Variants in PTPRO observed in about 807,000 individuals in gnomAD.
PTPRO encodes the protein protein tyrosine phosphatase receptor type O, also known as receptor-type tyrosine-protein phosphatase O.
A neutral mutation model predicts 145.2 loss-of-function variants in PTPRO; 62 were observed. The ratio of observed to expected loss-of-function variants is 0.43; its 90% CI spans 0.35 to 0.53. The LOEUF (loss-of-function observed/expected upper bound fraction) is 0.53, where lower values mean the gene tolerates loss of function less well. PTPRO is among the 20% of genes least tolerant of loss of function. The probability of loss-of-function intolerance (pLI) is 0.01; values close to 1 mark genes in which losing one functional copy is unlikely to be tolerated. For missense variants in PTPRO, 1,345 were observed against 1,482.7 expected (o/e 0.91, Z 1.53); for synonymous variants, 565 against 514.7 (o/e 1.10, Z -1.32).
At chr12:15,576,948 A>G (rs1480323727) in intron 19 of PTPRO, among the ~76,000 whole-genome samples, 2 of 152,224 alleles carry the variant, frequency 1.3e-5, no homozygotes, top group Admixed American at 1.3e-4. Flanking sequence ...AAATAAACTT[A>G]TAACTACCAA....
chr12:15,484,086 A>C lies in PTPRO; in HGVS notation c.188A>C (p.Glu63Ala). The change falls in exon 2 of 27, where the codon GAA (glutamate) becomes GCA (alanine). Residue 63 changes from glutamate to alanine, a missense_variant. This residue lies in a region of PTPRO where 1,130 missense variants were observed against 1,214.7 expected (regional missense o/e 0.93). Coordinates refer to ENST00000281171, the MANE Select transcript of PTPRO (RefSeq NM_030667.3). ...GTGTATGTTGTGAAGATAACTGGTG[A>C]ATCCAAAAATTATTTCTTCGAATTT... is the stretch of plus-strand genomic sequence containing the variant. The part of the protein sequence containing the change: ...ASVYVVKITG[E>A]SKNYFFEFEE... 2 of 1,613,838 alleles carry C rather than the reference A, an allele frequency of 1.2e-6. No individual in the cohort carries two copies. Among genetic ancestry groups the C allele is most frequent in the Non-Finnish European group, 1.7e-6 (2 of 1,179,832 alleles).
intron 1 of PTPRO, among the ~76,000 whole-genome samples, chr12:15,370,586 G>T (rs73057268): frequency 0.14 from 21,726 of 151,950 alleles, 1,903 homozygotes; most frequent in South Asian, 0.27. Flanking sequence ...TCAGGCAAGG[G>T]GACGATGGTA....
chr12:15,463,188 G>A lies in PTPRO; in HGVS notation c.76-20786G>A, dbSNP rs111782002. ...TATGACCTAAAAGGAAATCTGGCAT[G>A]TATCTCTTAATATTCTTAGAAATTA... On this transcript the variant is annotated intron_variant, in intron 1 of 26. Transcript: ENST00000281171. Among the ~76,000 whole-genome samples, 730 of 152,196 alleles carry A rather than the reference G, an allele frequency of 4.8e-3. 6 individuals are homozygous for A. Among genetic ancestry groups the A allele is most frequent in the African/African-American group, 0.016 (677 of 41,522 alleles).
intron 22 of PTPRO, among the ~76,000 whole-genome samples, chr12:15,581,055 A>T (rs1294163956): frequency 6.6e-6 from 1 of 152,214 alleles, no homozygotes; most frequent in African/African-American, 2.4e-5. Flanking sequence ...GAAGTCTTCT[A>T]AAAAGGAGAA....
chr12:15,410,249 G>A lies in PTPRO; in HGVS notation c.76-73725G>A, dbSNP rs145050137. ...ATGTCAACTTGACTTGGCCATGGAT[G>A]CTCAGATACCTGATTAAATATTGTT... On this transcript the variant is annotated intron_variant, in intron 1 of 26. Transcript: ENST00000281171. 9.8e-5 allele frequency: 15 copies of A among 152,324 alleles called. No individual in the cohort carries two copies. The East Asian group carries it at 1.7e-3, about 18-fold the overall frequency. 9.4% of individuals were successfully genotyped at this position (152,324 alleles called of 1,614,324 possible). A position where few individuals can be genotyped will look rare whatever the true frequency, so the allele number is the denominator to read the frequency against.
intron 1 of PTPRO, among the ~76,000 whole-genome samples, chr12:15,407,348 C>T (rs1323766574): frequency 6.6e-6 from 1 of 152,230 alleles, no homozygotes; most frequent in Admixed American, 6.5e-5. Flanking sequence ...CAAAAAACTA[C>T]CAGGTTCCCC....
chr12:15,361,063 G>C (rs1037220876), intron 1 of PTPRO, among the ~76,000 whole-genome samples: 1 of 150,956 alleles, frequency 6.6e-6, no homozygotes, highest in Non-Finnish European at 1.5e-5. Context: ...GAGAAAATTT[G>C]TATATATTGA....
intron 11 of PTPRO, 71 bp from the exon 12 acceptor site, chr12:15,526,070 CT>C: frequency 6.3e-7 from 1 of 1,580,694 alleles, no homozygotes; most frequent in Non-Finnish European, 8.7e-7. Flanking sequence ...TGCTATAGTC[CT>C]TTAGTTGTTT....
In PTPRO at chr12:15,360,656, G is replaced by A. The variant is rs77451968; in HGVS notation, c.75+37855G>A. ...GTGTGTGTGTATATATATACATATA[G>A]AGATACTAAATCAAATATACAAATT... On this transcript the variant is annotated intron_variant, in intron 1 of 26. Transcript: ENST00000281171. Among the ~76,000 whole-genome samples, 1,508 of 151,090 alleles carry A rather than the reference G, an allele frequency of 1.0e-2. 26 individuals carry two copies. The highest frequency in any genetic ancestry group is 0.033 in the African/African-American group (1,352 of 41,210).
intron 1 of PTPRO, among the ~76,000 whole-genome samples, chr12:15,388,031 T>C (rs1397995048): frequency 6.6e-6 from 1 of 152,132 alleles, no homozygotes; most frequent in South Asian, 2.1e-4. Flanking sequence ...GAGATCCACC[T>C]AGTTATAAAC....
chr12:15,484,685 G>C (rs1379224828), intron 2 of PTPRO, among the ~76,000 whole-genome samples: 1 of 151,984 alleles, frequency 6.6e-6, no homozygotes, highest in Non-Finnish European at 1.5e-5. Flanking sequence ...GGCTGAGAGA[G>C]AGAAAAAGAT....
chr12:15,594,917 G>A lies in PTPRO; in HGVS notation c.3547-20G>A. Reference sequence around the variant, plus strand: ...TTTGCACATGTCTGCTCTGAAACCTGTTTTTGTCTTTTGTTCCAGGAGCAG... The same window carrying A: ...TTTGCACATGTCTGCTCTGAAACCTATTTTTGTCTTTTGTTCCAGGAGCAG... On this transcript the variant is annotated intron_variant, in intron 25 of 26. Transcript: ENST00000281171. 1 of 1,580,560 alleles carries A rather than the reference G, an allele frequency of 6.3e-7. No homozygotes were observed. The highest frequency in any genetic ancestry group is 8.7e-7 in the Non-Finnish European group (1 of 1,150,384).
intron 17 of PTPRO, among the ~76,000 whole-genome samples, chr12:15,560,541 A>G (rs1943747077): frequency 6.6e-6 from 1 of 152,020 alleles, no homozygotes; most frequent in African/African-American, 2.4e-5. Context: ...GAGTCAATCC[A>G]TTGGCCTCTC....
chr12:15,415,784 A>G (rs1437501272), intron 1 of PTPRO, among the ~76,000 whole-genome samples: 2 of 151,700 alleles, frequency 1.3e-5, no homozygotes, highest in Admixed American at 1.3e-4. Flanking sequence ...GAAAAACGAG[A>G]AGTGTTTAGT....
At chr12:15,393,889 T>C (rs1175739835) in intron 1 of PTPRO, among the ~76,000 whole-genome samples, 1 of 152,190 alleles carries the variant, frequency 6.6e-6, no homozygotes, top group Non-Finnish European at 1.5e-5. Context: ...GAAGGCCTTC[T>C]TGCAGGTGAA....
rs1378301466 is a variant in PTPRO at position 15,322,888 on chromosome 12, G to A, written c.75+87G>A. 2.9e-6 allele frequency: 4 copies of A among 1,387,682 alleles called. No individual in the cohort carries two copies. Among genetic ancestry groups the A allele is most frequent in the Non-Finnish European group, 3.0e-6 (3 of 1,005,462 alleles). 86.0% of individuals were successfully genotyped at this position (1,387,682 alleles called of 1,614,324 possible). ...CTCGCTCTGCCGTTGGGAGCGGCGC[G>A]CCCCAGGGCACGATGGCCCAGCCGC... On this transcript the variant is annotated intron_variant, in intron 1 of 26. Transcript: ENST00000281171. The surrounding 1 kb of genome is among the most constrained non-coding windows in gnomAD (Gnocchi z 6.3).
At chr12:15,403,613 T>G (rs1485144413) in intron 1 of PTPRO, among the ~76,000 whole-genome samples, 1 of 151,982 alleles carries the variant, frequency 6.6e-6, no homozygotes, top group East Asian at 1.9e-4. Flanking sequence ...TACTTCTCAT[T>G]TCTCCAATTT....
intron 24 of PTPRO, chr12:15,587,253 T>TA: frequency 1.6e-6 from 1 of 616,740 alleles, no homozygotes; most frequent in Non-Finnish European, 2.8e-6. Flanking sequence ...AAATAGATGT[T>TA]ATTATTCCAA....
intron 1 of PTPRO, among the ~76,000 whole-genome samples, chr12:15,452,087 A>G (rs1269661043): frequency 6.6e-6 from 1 of 152,208 alleles, no homozygotes; most frequent in Non-Finnish European, 1.5e-5. Context: ...TAAAACTGAT[A>G]GACCATTAGT....
Sources: allele counts gnomAD v4.1 joint callset (sites outside exome capture counted in the v4.1 genomes callset), GRCh38; gene constraint gnomAD v4.1.1; regional missense constraint gnomAD v4.1.1; non-coding constraint Gnocchi (gnomAD v3.1); transcripts MANE v1.5; gene names NCBI Gene and HGNC (gene_info 2026-07-23, HGNC 2026-07-21).